ELF2: variants seen among roughly 807,000 people sequenced by gnomAD.
ELF2 encodes the protein ETS-related transcription factor Elf-2.
ELF2 carries 11 observed loss-of-function variants against 54.8 expected under a neutral mutation model. The observed-to-expected ratio is 0.20, with a 90% CI of 0.13 to 0.33. The LOEUF is 0.33. Ranked by LOEUF, ELF2 falls within the 10% of genes least tolerant of loss-of-function variation. The pLI is 1.00. For synonymous variants in ELF2, 203 were observed against 245.1 expected, an observed-to-expected ratio of 0.83 and a Z score of 1.61; for missense variants, 513 against 703.0, an observed-to-expected ratio of 0.73 and a Z score of 3.06.
chr4:139,112,915 A>G (rs554423158), intron 4 of ELF2, among the ~76,000 whole-genome samples: 1 of 151,652 alleles, frequency 6.6e-6, no homozygotes. Flanking sequence ...AATAAAAAAA[A>G]TTTTTTAAGT....
intron 4 of ELF2, among the ~76,000 whole-genome samples, chr4:139,077,448 TC>T (rs1481688773): frequency 2.0e-5 from 3 of 152,192 alleles, no homozygotes; most frequent in African/African-American, 7.2e-5. Context: ...TTTTATCTCA[TC>T]ATTTTTATTT....
chr4:139,083,773 G>A (rs2148733334), intron 4 of ELF2, among the ~76,000 whole-genome samples: 2 of 152,286 alleles, frequency 1.3e-5, no homozygotes, highest in South Asian at 4.1e-4. Context: ...TCACTTCCTG[G>A]TTCCTCAGCA....
rs1470202594 is a variant in ELF2, at chr4:139,110,649, C to T, written c.238+14515G>A. ...GGCATTCTAGTTCTTGCTTTAAAAT[C>T]TCCAGTTGTAAAGATACTCACAACC... is the stretch of plus-strand genomic sequence containing the variant. On this transcript the variant is annotated intron_variant, in intron 4 of 9. Coordinates refer to ENST00000686138, the MANE Select transcript of ELF2 (RefSeq NM_001331036.3). 4.6e-5 allele frequency among the ~76,000 whole-genome samples: 7 copies of T among 152,184 alleles called. No individual in the cohort carries two copies. The East Asian group carries it at 1.3e-3, about 29-fold the overall frequency.
chr4:139,077,885 T>C (rs1468116150), intron 4 of ELF2, among the ~76,000 whole-genome samples: 1 of 152,150 alleles, frequency 6.6e-6, no homozygotes, highest in African/African-American at 2.4e-5. Flanking sequence ...ATTTTAAAAA[T>C]AGAAACAATG....
intron 1 of ELF2, among the ~76,000 whole-genome samples, chr4:139,166,561 A>T (rs1741744023): frequency 1.3e-5 from 2 of 152,128 alleles, no homozygotes; most frequent in South Asian, 4.1e-4. Context: ...GCTAATTAAG[A>T]TTAAGCAACA....
intron 4 of ELF2, among the ~76,000 whole-genome samples, chr4:139,083,211 C>A (rs983695663): frequency 6.6e-6 from 1 of 152,128 alleles, no homozygotes; most frequent in Non-Finnish European, 1.5e-5. Flanking sequence ...GGGGGCAATT[C>A]CGTGCTGAGA....
At chr4:139,124,339 A>G (rs754882838) in intron 4 of ELF2, among the ~76,000 whole-genome samples, 4 of 152,212 alleles carry the variant, frequency 2.6e-5, no homozygotes, top group Non-Finnish European at 5.9e-5. Flanking sequence ...TAGTAGCCCT[A>G]AGGGGTACTA....
At chr4:139,094,443 T>A (rs958530913) in intron 4 of ELF2, among the ~76,000 whole-genome samples, 1 of 152,082 alleles carries the variant, frequency 6.6e-6, no homozygotes, top group Non-Finnish European at 1.5e-5. Flanking sequence ...AGGATAAAAG[T>A]AGGAACTGAA....
At chr4:139,063,868 C>T (rs72947691) in intron 7 of ELF2, among the ~76,000 whole-genome samples, 27,742 of 151,510 alleles carry the variant, frequency 0.18, 2,716 homozygotes, top group Middle Eastern at 0.32. Flanking sequence ...AAAAAAAAAA[C>T]TTAATCCCAA....
At chr4:139,151,040 G>GAAAGAAAGAAAGAAAGA (rs1739876336) in intron 1 of ELF2, among the ~76,000 whole-genome samples, 2 of 55,776 alleles carry the variant, frequency 3.6e-5, no homozygotes, top group African/African-American at 9.8e-5. Context: ...AAAAAAGAAA[G>GAAAGAAAGAAAGAAAGA]AAAGAAAGAA....
chr4:139,061,107 A>G (rs764545172), intron 8 of ELF2, among the ~76,000 whole-genome samples: 1 of 152,184 alleles, frequency 6.6e-6, no homozygotes, highest in Non-Finnish European at 1.5e-5. Context: ...TGTTCACTTA[A>G]AAACACCCTT....
At chr4:139,162,038 G>A (rs941881369) in intron 1 of ELF2, among the ~76,000 whole-genome samples, 6 of 152,126 alleles carry the variant, frequency 3.9e-5, no homozygotes, top group African/African-American at 1.4e-4. Flanking sequence ...AGGTTGCAGT[G>A]AGCTGAGATT....
At chr4:139,139,534 A>G in intron 1 of ELF2, 37 bp from the exon 2 acceptor site, 1 of 1,097,360 alleles carries the variant, frequency 9.1e-7, no homozygotes, top group Non-Finnish European at 1.1e-6. Context: ...ATATTAATAT[A>G]ATTATATTAA....
chr4:139,084,438 G>GGGCGGCAGGGGC (rs763859653), intron 4 of ELF2: 3 of 1,118,150 alleles, frequency 2.7e-6, no homozygotes, highest in Non-Finnish European at 3.3e-6. Flanking sequence ...GCAGGGGCAG[G>GGGCGGCAGGGGC]GGCGGCGGCG....
chr4:139,173,021 T>C (rs1045382489), intron 1 of ELF2, among the ~76,000 whole-genome samples: 1 of 151,148 alleles, frequency 6.6e-6, no homozygotes, highest in African/African-American at 2.4e-5. Context: ...AGAAGCCAGA[T>C]ACAAAAGACT....
At chr4:139,066,914 G>A (rs1214753291) in intron 7 of ELF2, 2 of 152,058 alleles carry the variant, frequency 1.3e-5, no homozygotes, top group South Asian at 2.1e-4. Flanking sequence ...TGTGACTGAT[G>A]TGACTGACAT....
At chr4:139,119,402 C>T (rs1044680100) in intron 4 of ELF2, among the ~76,000 whole-genome samples, 2 of 152,166 alleles carry the variant, frequency 1.3e-5, no homozygotes, top group African/African-American at 4.8e-5. Flanking sequence ...ACTTCATCAA[C>T]GGGATTCCTA....
At chr4:139,078,777 T>C (rs1056714275) in intron 4 of ELF2, among the ~76,000 whole-genome samples, 4 of 152,136 alleles carry the variant, frequency 2.6e-5, no homozygotes, top group African/African-American at 9.7e-5. Flanking sequence ...CTCCGACCTT[T>C]TTTATCTGAG....
At chr4:139,094,024 G>A (rs1732975100) in intron 4 of ELF2, among the ~76,000 whole-genome samples, 1 of 150,724 alleles carries the variant, frequency 6.6e-6, no homozygotes, top group African/African-American at 2.4e-5. Flanking sequence ...TCAGCCTCCT[G>A]AGTAGCTGGG....
Sources: gnomAD v4.1 joint callset for allele counts (sites outside exome capture counted in the v4.1 genomes callset) on GRCh38, gnomAD v4.1.1 for gene constraint, MANE v1.5 for transcripts, NCBI Gene and HGNC (gene_info 2026-07-23, HGNC 2026-07-21) for gene names.